The following ENOX1 variants were observed in gnomAD, a reference collection of about 807,000 sequenced individuals.
The protein encoded by ENOX1 is ecto-NOX disulfide-thiol exchanger 1, also known as candidate growth-related and time keeping constitutive hydroquinone (NADH) oxidase.
ENOX1 carries 42 observed loss-of-function variants against 82.5 expected under a neutral mutation model. That is an observed-to-expected ratio of 0.51 (90% confidence interval 0.40 to 0.66). ENOX1 has a LOEUF of 0.66. Ranked by LOEUF, ENOX1 falls within the 30% of genes least tolerant of loss-of-function variation. The pLI is 0.00. For missense variants in ENOX1, 608 were observed against 811.6 expected, an observed-to-expected ratio of 0.75 and a Z score of 3.05; for synonymous variants, 271 against 282.2, an observed-to-expected ratio of 0.96 and a Z score of 0.40.
At chr13:43,634,433 C>A (rs1246198423) in intron 2 of ENOX1, among the ~76,000 whole-genome samples, 1 of 152,146 alleles carries the variant, frequency 6.6e-6, no homozygotes, top group Non-Finnish European at 1.5e-5. Flanking sequence ...TTCTTCTTCT[C>A]CAGCACGACC....
intron 13 of ENOX1, 82 bp from the exon 14 acceptor site, chr13:43,265,536 G>C: frequency 1.7e-6 from 2 of 1,158,348 alleles, no homozygotes; most frequent in South Asian, 2.7e-5. Context: ...CTTGTTAACT[G>C]ATTTATCTGA....
At chr13:43,731,093 G>A (rs772966237) in intron 1 of ENOX1, among the ~76,000 whole-genome samples, 27 of 152,228 alleles carry the variant, frequency 1.8e-4, no homozygotes, top group Non-Finnish European at 2.2e-4. Flanking sequence ...TGAATAAAAC[G>A]AGAAACCAGT....
At chr13:43,296,015 C>G (rs188815017) in intron 12 of ENOX1, among the ~76,000 whole-genome samples, 1 of 152,208 alleles carries the variant, frequency 6.6e-6, no homozygotes, top group Non-Finnish European at 1.5e-5. Flanking sequence ...TCTTCATGAT[C>G]CAGGATCCCA....
intron 1 of ENOX1, among the ~76,000 whole-genome samples, chr13:43,767,094 T>C (rs1054477311): frequency 1.3e-5 from 2 of 152,092 alleles, no homozygotes; most frequent in African/African-American, 2.4e-5. Flanking sequence ...ACATGAAGGA[T>C]ACGATATGAA....
rs549393841 is a variant in ENOX1 at position 43,705,460 on chromosome 13, T to C, written c.-284-37916A>G. ...AAGATGCACTTTAAATGTAAAGATA[T>C]ATGCAAGTTTAAAAAAAAGAATGAA... On this transcript the variant is annotated intron_variant, in intron 1 of 16. Transcript: ENST00000690772. 6.6e-5 allele frequency among the ~76,000 whole-genome samples: 10 copies of C among 151,280 alleles called. No homozygotes were observed. The South Asian group carries it at 1.3e-3, about 19-fold the overall frequency.
intron 1 of ENOX1, among the ~76,000 whole-genome samples, chr13:43,730,139 C>T (rs7316945): frequency 0.079 from 11,974 of 152,194 alleles, 709 homozygotes; most frequent in African/African-American, 0.16. Context: ...ATTTTTCTAC[C>T]ATCCATATGT....
At chr13:43,664,745 A>G (rs1410904119) in intron 2 of ENOX1, among the ~76,000 whole-genome samples, 1 of 152,224 alleles carries the variant, frequency 6.6e-6, no homozygotes, top group African/African-American at 2.4e-5. Context: ...GAGACACAGG[A>G]TGAAGTTATA....
chr13:43,351,484 G>C (rs1352100629), intron 8 of ENOX1, among the ~76,000 whole-genome samples: 1 of 148,322 alleles, frequency 6.7e-6, no homozygotes, highest in Non-Finnish European at 1.5e-5. Context: ...GTGCAGGTTA[G>C]TTACATATGT....
chr13:43,220,046 GAA>G (rs1486238587), intron 16 of ENOX1, among the ~76,000 whole-genome samples: 1 of 152,004 alleles, frequency 6.6e-6, no homozygotes, highest in Non-Finnish European at 1.5e-5. Flanking sequence ...TTCACAGAGA[GAA>G]ATACAAAATG....
chr13:43,682,435 T>C (rs1473750461), intron 1 of ENOX1, among the ~76,000 whole-genome samples: 1 of 152,196 alleles, frequency 6.6e-6, no homozygotes, highest in Admixed American at 6.5e-5. Context: ...ACTAGAACCA[T>C]GCTTGGTAAG....
chr13:43,654,327 C>T (rs915558199), intron 2 of ENOX1, among the ~76,000 whole-genome samples: 2 of 152,158 alleles, frequency 1.3e-5, no homozygotes, highest in Non-Finnish European at 2.9e-5. Context: ...TCAACTCTTG[C>T]CTGAGTTTTC....
chr13:43,570,008 C>A (rs2080107669), intron 2 of ENOX1, among the ~76,000 whole-genome samples: 3 of 152,164 alleles, frequency 2.0e-5, no homozygotes, highest in Admixed American at 2.0e-4. Context: ...TGGTTGAGAG[C>A]AGGAACTTTG....
chr13:43,374,415 T>C (rs557219890), intron 5 of ENOX1, among the ~76,000 whole-genome samples: 20 of 151,950 alleles, frequency 1.3e-4, no homozygotes, highest in Non-Finnish European at 2.4e-4. Flanking sequence ...CTGGCTAATC[T>C]GTATATTTTT....
chr13:43,546,605 C>T (rs1181970623), intron 2 of ENOX1: 1 of 152,210 alleles, frequency 6.6e-6, no homozygotes, highest in Non-Finnish European at 1.5e-5. Context: ...GGATCCATAT[C>T]TTCCAGAGCT....
At chr13:43,768,217 AT>A (rs1951396546) in intron 1 of ENOX1, among the ~76,000 whole-genome samples, 1 of 152,162 alleles carries the variant, frequency 6.6e-6, no homozygotes, top group South Asian at 2.1e-4. Context: ...TCCTTCTAGC[AT>A]TCTGAACCCA....
intron 3 of ENOX1, among the ~76,000 whole-genome samples, chr13:43,468,116 C>A (rs1394101284): frequency 1.3e-5 from 2 of 152,042 alleles, no homozygotes; most frequent in Non-Finnish European, 2.9e-5. Context: ...TAACATTGTT[C>A]TTTTTCAAGA....
chr13:43,630,860 T>TGTACACACACACAC (rs1555345999), intron 2 of ENOX1, among the ~76,000 whole-genome samples: 1 of 147,708 alleles, frequency 6.8e-6, no homozygotes, highest in Non-Finnish European at 1.5e-5. Context: ...TATATATATA[T>TGTACACACACACAC]ACACACACAC....
At chr13:43,237,218 TCATGAATAAATG>T (rs1015768524) in intron 14 of ENOX1, among the ~76,000 whole-genome samples, 5 of 152,234 alleles carry the variant, frequency 3.3e-5, no homozygotes, top group Admixed American at 3.3e-4. Context: ...GTATGGATCC[TCATGAATAAATG>T]CAAGAGGCAG....
chr13:43,409,640 A>G (rs1298857407), intron 5 of ENOX1, among the ~76,000 whole-genome samples: 1 of 152,222 alleles, frequency 6.6e-6, no homozygotes, highest in Non-Finnish European at 1.5e-5. Flanking sequence ...GAAAAAATGG[A>G]AACAGCCTAA....
Sources: gnomAD v4.1 joint callset for allele counts (sites outside exome capture counted in the v4.1 genomes callset) on GRCh38, gnomAD v4.1.1 for gene constraint, MANE v1.5 for transcripts, NCBI Gene and HGNC (gene_info 2026-07-23, HGNC 2026-07-21) for gene names.